The following NELL1 variants were observed in gnomAD, a reference collection of about 807,000 sequenced individuals.
The protein encoded by NELL1 is protein kinase C-binding protein NELL1.
A neutral mutation model predicts 107.4 loss-of-function variants in NELL1; 76 were observed. The ratio of observed to expected loss-of-function variants is 0.71; its 90% CI spans 0.59 to 0.86. The LOEUF (loss-of-function observed/expected upper bound fraction) is 0.86. NELL1 is among the 40% of genes least tolerant of loss of function. The pLI is 0.00. For synonymous variants in NELL1, 353 were observed against 341.2 expected (o/e 1.03, Z -0.38); for missense variants, 1,024 against 1,005.5 (o/e 1.02, Z -0.25).
intron 13 of NELL1, among the ~76,000 whole-genome samples, chr11:21,199,291 G>A (rs1857216179): frequency 6.6e-6 from 1 of 152,132 alleles, no homozygotes; most frequent in Non-Finnish European, 1.5e-5. Flanking sequence ...GCAACAAAGA[G>A]GAAAAAGGGC....
At chr11:21,284,350 C>A (rs1374824140) in intron 14 of NELL1, 1 of 457,024 alleles carries the variant, frequency 2.2e-6, no homozygotes, top group East Asian at 7.0e-5. Flanking sequence ...TGACAGAGAG[C>A]CTAAAGATCA....
intron 2 of NELL1, among the ~76,000 whole-genome samples, chr11:20,735,813 G>T (rs1406407543): frequency 2.0e-5 from 3 of 152,144 alleles, no homozygotes; most frequent in Non-Finnish European, 2.9e-5. Flanking sequence ...TTGGGTTTAG[G>T]GAGTTTTTGT....
intron 12 of NELL1, among the ~76,000 whole-genome samples, chr11:21,070,158 CAT>C (rs1402641331): frequency 6.6e-6 from 1 of 151,746 alleles, no homozygotes; most frequent in East Asian, 1.9e-4. Context: ...TAATGCCAAA[CAT>C]ATGCTGACAG....
chr11:21,231,208 T>G (rs533259140), intron 14 of NELL1, among the ~76,000 whole-genome samples: 54 of 152,222 alleles, frequency 3.5e-4, no homozygotes, highest in African/African-American at 1.3e-3. Context: ...TCATCAAATA[T>G]CTAAGTTAAT....
At chr11:20,748,045 T>C (rs1027152729) in intron 2 of NELL1, among the ~76,000 whole-genome samples, 1 of 152,190 alleles carries the variant, frequency 6.6e-6, no homozygotes, top group Non-Finnish European at 1.5e-5. Flanking sequence ...GGGGTGAGCT[T>C]CTACTAAGAG....
At chr11:21,291,038 A>ACTCT (rs1849247432) in intron 14 of NELL1, among the ~76,000 whole-genome samples, 1 of 152,152 alleles carries the variant, frequency 6.6e-6, no homozygotes, top group Non-Finnish European at 1.5e-5. Context: ...GTAACAGCAA[A>ACTCT]CTCTCTGAGC....
intron 13 of NELL1, among the ~76,000 whole-genome samples, chr11:21,136,621 T>C (rs1336850785): frequency 1.3e-5 from 2 of 152,172 alleles, no homozygotes; most frequent in Non-Finnish European, 2.9e-5. Flanking sequence ...TATTACAAAC[T>C]GAGTCATTTG....
intron 12 of NELL1, among the ~76,000 whole-genome samples, chr11:21,025,860 A>G (rs1852803346): frequency 6.6e-6 from 1 of 152,168 alleles, no homozygotes; most frequent in Non-Finnish European, 1.5e-5. Context: ...CCAAACCTGC[A>G]TCTTCTTTAG....
At chr11:20,949,955 ATG>A (rs1409630613) in intron 11 of NELL1, among the ~76,000 whole-genome samples, 1 of 152,122 alleles carries the variant, frequency 6.6e-6, no homozygotes, top group Admixed American at 6.6e-5. Flanking sequence ...CTTTGGAGGT[ATG>A]TGTGTGTGAG....
At chr11:21,362,355 T>C (rs983376690) in intron 14 of NELL1, among the ~76,000 whole-genome samples, 4 of 152,166 alleles carry the variant, frequency 2.6e-5, no homozygotes, top group Non-Finnish European at 5.9e-5. Context: ...GGTCTTCAAA[T>C]CTTCCAGCCA....
intron 14 of NELL1, among the ~76,000 whole-genome samples, chr11:21,331,424 TG>T (rs756561336): frequency 2.0e-5 from 3 of 152,078 alleles, no homozygotes; most frequent in Non-Finnish European, 4.4e-5. Flanking sequence ...TTAGTGACAC[TG>T]GCAGTGTAAA....
intron 12 of NELL1, among the ~76,000 whole-genome samples, chr11:21,045,746 A>T (rs1424315575): frequency 6.6e-6 from 1 of 152,146 alleles, no homozygotes. Context: ...TTCAGTAATA[A>T]TCCTATATGG....
intron 15 of NELL1, among the ~76,000 whole-genome samples, chr11:21,477,228 G>T (rs1344420345): frequency 6.6e-6 from 1 of 152,054 alleles, no homozygotes; most frequent in Non-Finnish European, 1.5e-5. Context: ...AGAGGGAAAG[G>T]TAAAGAGGAC....
chr11:20,693,217 T>C (rs1429589897), intron 2 of NELL1, among the ~76,000 whole-genome samples: 1 of 152,082 alleles, frequency 6.6e-6, no homozygotes, highest in Non-Finnish European at 1.5e-5. Flanking sequence ...TACAGCACAC[T>C]GATGGGTCTT....
chr11:21,248,540 G>A (rs1379467083), intron 14 of NELL1, among the ~76,000 whole-genome samples: 1 of 152,036 alleles, frequency 6.6e-6, no homozygotes, highest in Non-Finnish European at 1.5e-5. Context: ...GGTTCCTGAG[G>A]TAGAGTCTGG....
intron 12 of NELL1, among the ~76,000 whole-genome samples, chr11:21,007,208 C>G (rs1274791393): frequency 6.6e-6 from 1 of 152,114 alleles, no homozygotes; most frequent in Non-Finnish European, 1.5e-5. Context: ...CTCTTATTGT[C>G]TGGTTATACA....
At chr11:21,192,920 A>C (rs1857077384) in intron 13 of NELL1, among the ~76,000 whole-genome samples, 1 of 151,870 alleles carries the variant, frequency 6.6e-6, no homozygotes, top group Admixed American at 6.6e-5. Flanking sequence ...AGGAAGGCGG[A>C]CATCGTGGAG....
intron 15 of NELL1, among the ~76,000 whole-genome samples, chr11:21,492,170 A>T (rs958710161): frequency 1.3e-5 from 2 of 152,188 alleles, no homozygotes; most frequent in African/African-American, 2.4e-5. Flanking sequence ...GCCATCAGAG[A>T]AATGCAAATC....
At chr11:21,145,542 C>A (rs1171932009) in intron 13 of NELL1, among the ~76,000 whole-genome samples, 1 of 152,106 alleles carries the variant, frequency 6.6e-6, no homozygotes, top group Non-Finnish European at 1.5e-5. Flanking sequence ...CCACAATTAA[C>A]CTTTGGATTT....
Sources: gnomAD v4.1 joint callset for allele counts (sites outside exome capture counted in the v4.1 genomes callset) on GRCh38, gnomAD v4.1.1 for gene constraint, MANE v1.5 for transcripts, NCBI Gene and HGNC (gene_info 2026-07-23, HGNC 2026-07-21) for gene names.